The following NELL1 variants were observed in gnomAD, a reference collection of about 807,000 sequenced individuals.
NELL1 encodes the protein protein kinase C-binding protein NELL1.
NELL1 carries 76 observed loss-of-function variants against 107.4 expected under a neutral mutation model. That is an observed-to-expected ratio of 0.71 (90% confidence interval 0.59 to 0.86). The LOEUF (loss-of-function observed/expected upper bound fraction) is 0.86. NELL1 is among the 40% of genes least tolerant of loss of function. The pLI is 0.00. For missense variants in NELL1, 1,024 were observed against 1,005.5 expected, an observed-to-expected ratio of 1.02 and a Z score of -0.25; for synonymous variants, 353 against 341.2, an observed-to-expected ratio of 1.03 and a Z score of -0.38.
intron 14 of NELL1, among the ~76,000 whole-genome samples, chr11:21,354,373 C>T (rs1850883268): frequency 6.6e-6 from 1 of 152,122 alleles, no homozygotes; most frequent in African/African-American, 2.4e-5. Context: ...ACTCTCCTCT[C>T]CTTCCCGCTT....
chr11:21,080,388 G>A (rs528685606), intron 12 of NELL1, among the ~76,000 whole-genome samples: 1 of 152,096 alleles, frequency 6.6e-6, no homozygotes, highest in Non-Finnish European at 1.5e-5. Context: ...CGGAAAATAT[G>A]TACGTATAGA....
chr11:21,019,439 T>C (rs1159738628), intron 12 of NELL1, among the ~76,000 whole-genome samples: 2 of 152,036 alleles, frequency 1.3e-5, no homozygotes, highest in Non-Finnish European at 2.9e-5. Context: ...ACTCTGATGG[T>C]AGAAAAGAGT....
intron 15 of NELL1, among the ~76,000 whole-genome samples, chr11:21,480,742 C>T (rs946789163): frequency 2.0e-5 from 3 of 152,176 alleles, no homozygotes; most frequent in Non-Finnish European, 4.4e-5. Context: ...CCAGTTGTGC[C>T]AGAGAGGGGC....
chr11:20,885,539 A>G lies in NELL1; in HGVS notation c.602A>G (p.Lys201Arg). 1 of 1,580,456 alleles carries G rather than the reference A, an allele frequency of 6.3e-7. No individual in the cohort carries two copies. The highest frequency in any genetic ancestry group is 2.2e-5 in the East Asian group (1 of 44,710). ...GQRNQKHGLF[K>R]GIIQDGKIIF... ...CGCAACCAAAAGCATGGCTTATTCA[A>G]AGTAAGCACTAACGTTCTTTTTATT... Residue 201 changes from lysine to arginine, a missense_variant and splice_region_variant, in exon 5 of 20, where the codon AAA (lysine) becomes AGA (arginine). By Grantham distance (26) the Lys-to-Arg change is conservative. Coordinates refer to ENST00000357134, the MANE Select transcript of NELL1 (RefSeq NM_006157.5).
chr11:21,073,623 G>A (rs1177704880), intron 12 of NELL1, among the ~76,000 whole-genome samples: 1 of 152,142 alleles, frequency 6.6e-6, no homozygotes, highest in South Asian at 2.1e-4. Context: ...GGTGGGGTCT[G>A]AAGGTAATAC....
chr11:21,555,899 A>G lies in NELL1; in HGVS notation c.1787-4290A>G, dbSNP rs114284846. ...TAGTCTGTGTGCTAAAGGGAACACA[A>G]TATCCAAGTGTGGTATGGCCAGCAC... is the stretch of plus-strand genomic sequence containing the variant. On this transcript the variant is annotated intron_variant, in intron 16 of 19. Coordinates refer to ENST00000357134, the MANE Select transcript of NELL1 (RefSeq NM_006157.5). Among the ~76,000 whole-genome samples the G allele has an allele frequency of 3.7e-3, 560 of 152,010 alleles. 7 individuals are homozygous for G. Among genetic ancestry groups the G allele is most frequent in the African/African-American group, 0.013 (533 of 41,510 alleles).
At chr11:21,517,079 G>A (rs113520925) in intron 15 of NELL1, among the ~76,000 whole-genome samples, 20,877 of 152,148 alleles carry the variant, frequency 0.14, 1,577 homozygotes, top group African/African-American at 0.2. Flanking sequence ...ATGAGCTACC[G>A]CGCCCAGCCA....
rs75399283 is a variant in NELL1, at chr11:21,372,793, A to G, written c.1645+1845A>G. On this transcript the variant is annotated intron_variant, in intron 15 of 19. Coordinates refer to ENST00000357134, the MANE Select transcript of NELL1 (RefSeq NM_006157.5). The stretch of plus-strand genomic sequence containing the variant: ...TTTACATTAGAAATAACTGGAGGGA[A>G]ACATTACCTTAGACCAGGGCCTGTG... Among the ~76,000 whole-genome samples the G allele has an allele frequency of 2.1e-3, 315 of 152,142 alleles. 3 individuals carry two copies. Among genetic ancestry groups the G allele is most frequent in the African/African-American group, 7.3e-3 (305 of 41,544 alleles).
chr11:21,247,214 C>G (rs571580223), intron 14 of NELL1, among the ~76,000 whole-genome samples: 1 of 152,244 alleles, frequency 6.6e-6, no homozygotes, highest in South Asian at 2.1e-4. Context: ...TGTATATACA[C>G]TGTACACTTT....
At chr11:20,997,444 A>G (rs1418838607) in intron 12 of NELL1, among the ~76,000 whole-genome samples, 2 of 152,214 alleles carry the variant, frequency 1.3e-5, no homozygotes, top group Non-Finnish European at 2.9e-5. Context: ...GCATGTTATC[A>G]TTGGTGGGGA....
At position 21,290,332 on chromosome 11, in the gene NELL1, G is replaced by A. The variant is rs554784306; in HGVS notation, c.1549+60878G>A. On this transcript the variant is annotated intron_variant, in intron 14 of 19. Transcript: ENST00000357134. ...TGCAGTGAGCCAAGATTGCGCCACC[G>A]CACTCCAGCCTGGGTGACAGAGCAA... 4.0e-5 allele frequency among the ~76,000 whole-genome samples: 6 copies of A among 151,680 alleles called. No individual in the cohort carries two copies. In the East Asian group the frequency reaches 5.8e-4, roughly 15 times the overall value.
chr11:20,906,134 A>G (rs1272942081), intron 5 of NELL1, among the ~76,000 whole-genome samples: 1 of 152,168 alleles, frequency 6.6e-6, no homozygotes, highest in Non-Finnish European at 1.5e-5. Context: ...GGGTTGTCAT[A>G]TTTAAAGTAG....
At chr11:20,740,841 G>A (rs570467494) in intron 2 of NELL1, among the ~76,000 whole-genome samples, 3 of 151,622 alleles carry the variant, frequency 2.0e-5, no homozygotes, top group Non-Finnish European at 4.4e-5. Flanking sequence ...GCCTAGGCTG[G>A]ATTCAAACTC....
intron 13 of NELL1, among the ~76,000 whole-genome samples, chr11:21,175,920 A>T (rs943561467): frequency 1.1e-4 from 17 of 151,964 alleles, no homozygotes; most frequent in Admixed American, 1.1e-3. Flanking sequence ...CTTCTTGCTT[A>T]TCTAACCTAG....
chr11:20,895,271 C>CAA (rs1156409312), intron 5 of NELL1, among the ~76,000 whole-genome samples: 370 of 10,482 alleles, frequency 0.035, 137 homozygotes, highest in Non-Finnish European at 0.048. Flanking sequence ...GACTCCGTCT[C>CAA]AAAAAAAAAA....
At chr11:21,552,299 A>T (rs190344180) in intron 16 of NELL1, among the ~76,000 whole-genome samples, 179 of 151,794 alleles carry the variant, frequency 1.2e-3, no homozygotes, top group South Asian at 4.6e-3. Context: ...ATAATAATAA[A>T]AAAGTTAATG....
chr11:21,444,223 C>T (rs1383972027), intron 15 of NELL1, among the ~76,000 whole-genome samples: 1 of 152,114 alleles, frequency 6.6e-6, no homozygotes, highest in East Asian at 1.9e-4. Context: ...GGCAGTGTCT[C>T]ACTGGTGAAC....
At chr11:20,897,536 G>A (rs1407414972) in intron 5 of NELL1, among the ~76,000 whole-genome samples, 3 of 152,068 alleles carry the variant, frequency 2.0e-5, no homozygotes, top group East Asian at 1.9e-4. Context: ...AACACCAAAA[G>A]CAATGGCAAC....
chr11:21,024,484 T>A (rs2134307202), intron 12 of NELL1, among the ~76,000 whole-genome samples: 1 of 152,232 alleles, frequency 6.6e-6, no homozygotes, highest in South Asian at 2.1e-4. Flanking sequence ...GAAGTGTTAG[T>A]TAAAATTTAT....
Sources: allele counts gnomAD v4.1 joint callset (sites outside exome capture counted in the v4.1 genomes callset), GRCh38; gene constraint gnomAD v4.1.1; transcripts MANE v1.5; gene names NCBI Gene and HGNC (gene_info 2026-07-23, HGNC 2026-07-21).